Variants in KCTD1 observed in about 807,000 individuals in gnomAD.
KCTD1 encodes the protein BTB/POZ domain-containing protein KCTD1.
KCTD1 carries 24 observed loss-of-function variants against 66.0 expected under a neutral mutation model. That is an observed-to-expected ratio of 0.36 (90% confidence interval 0.26 to 0.51). The LOEUF is 0.51. Ranked by LOEUF, KCTD1 falls within the 20% of genes least tolerant of loss-of-function variation. The pLI, the probability that KCTD1 is intolerant of heterozygous loss-of-function variation, is 0.95. For missense variants in KCTD1, 943 were observed against 1,205.2 expected (o/e 0.78, Z 3.22); for synonymous variants, 511 against 517.2 (o/e 0.99, Z 0.16).
At chr18:26,645,346 C>A (rs1987909959) in intron 1 of KCTD1, among the ~76,000 whole-genome samples, 1 of 152,112 alleles carries the variant, frequency 6.6e-6, no homozygotes, top group Non-Finnish European at 1.5e-5. Flanking sequence ...AAGTTCTGGG[C>A]TCAAGTGATC....
exon 1 of KCTD1, chr18:26,629,199 T>G: frequency 1.0e-6 from 1 of 985,430 alleles, no homozygotes; most frequent in Non-Finnish European, 1.2e-6. Context: ...CCAGTTGGTG[T>G]GCAGTGCAGG....
chr18:26,465,362 G>A (rs532533759), intron 3 of KCTD1, among the ~76,000 whole-genome samples: 1 of 152,308 alleles, frequency 6.6e-6, no homozygotes, highest in East Asian at 1.9e-4. Context: ...GGGATTACAG[G>A]TGTCAGCCAC....
intron 1 of KCTD1, among the ~76,000 whole-genome samples, chr18:26,613,536 C>T (rs1395378882): frequency 2.0e-5 from 3 of 152,152 alleles, no homozygotes; most frequent in African/African-American, 4.8e-5. Context: ...GAGAGAATCA[C>T]ATTTTTTGGT....
intron 1 of KCTD1, among the ~76,000 whole-genome samples, chr18:26,657,109 C>T (rs1489488848): frequency 2.0e-5 from 3 of 151,838 alleles, no homozygotes; most frequent in South Asian, 4.2e-4. Flanking sequence ...TCTGCTCCGC[C>T]CTGCTCTCGC....
intron 1 of KCTD1, among the ~76,000 whole-genome samples, chr18:26,634,584 G>C (rs1987684141): frequency 6.6e-6 from 1 of 152,146 alleles, no homozygotes; most frequent in Non-Finnish European, 1.5e-5. Context: ...TGTATGATAT[G>C]ATTACATGTG....
chr18:26,518,964 T>G (rs1003933608), intron 1 of KCTD1, among the ~76,000 whole-genome samples: 1 of 152,280 alleles, frequency 6.6e-6, no homozygotes, highest in African/African-American at 2.4e-5. Flanking sequence ...ATTATAAATG[T>G]AAACTTTACA....
intron 1 of KCTD1, among the ~76,000 whole-genome samples, chr18:26,635,922 T>C (rs1987713693): frequency 2.6e-5 from 4 of 152,112 alleles, no homozygotes; most frequent in Non-Finnish European, 4.4e-5. Flanking sequence ...AACACACTTC[T>C]AGTCACGCCA....
rs184736885 is a variant in KCTD1 at position 26,601,224 on chromosome 18, C to T, written c.-16+27923G>A. On this transcript the variant is annotated intron_variant, in intron 1 of 4. Coordinates refer to the KCTD1 transcript ENST00000317932. ...GACCCCTTTGTTCTTGTTACCCACC[C>T]GTACGGACTTGGGGTCTATCTTGCC... Among the ~76,000 whole-genome samples, 468 of 149,242 alleles carry T rather than the reference C, an allele frequency of 3.1e-3. 5 individuals are homozygous for T. The highest frequency in any genetic ancestry group is 0.01 in the African/African-American group (417 of 40,444).
intron 1 of KCTD1, among the ~76,000 whole-genome samples, chr18:26,540,853 A>C (rs545318332): frequency 4.5e-4 from 69 of 152,330 alleles, no homozygotes; most frequent in Middle Eastern, 3.4e-3. Flanking sequence ...ATTTGTTAAA[A>C]GCAGTGTTTT....
intron 4 of KCTD1, 82 bp from the exon 5 acceptor site, chr18:26,455,983 G>C: frequency 7.4e-7 from 1 of 1,347,606 alleles, no homozygotes; most frequent in Non-Finnish European, 1.0e-6. Flanking sequence ...TTGAGATTAT[G>C]CGCACTCTGG....
intron 1 of KCTD1, among the ~76,000 whole-genome samples, chr18:26,557,179 C>T (rs1285898517): frequency 6.6e-6 from 1 of 152,190 alleles, no homozygotes; most frequent in African/African-American, 2.4e-5. Flanking sequence ...CAAACTTATT[C>T]TCTGTCCAAC....
chr18:26,547,916 C>T lies in KCTD1; in HGVS notation c.621G>A (p.Val207=), dbSNP rs1185530383. The T allele has an allele frequency of 7.1e-6, 11 of 1,543,716 alleles. No homozygotes were observed. The highest frequency in any genetic ancestry group is 7.8e-6 in the Non-Finnish European group (9 of 1,146,848). Residue 207 remains valine, a synonymous_variant, in exon 1 of 5, where the codon GTG becomes GTA. Transcript: ENST00000580059. ...ETMDKGALCR[V]LRSFYAEARS... is the part of the protein sequence containing the mutation. ...GGGCCTCGGCATAGAAGGAGCGCAG[C>T]ACGCGGCACAGCGCCCCCTTGTCCA...
chr18:26,502,102 T>A (rs1211833544), intron 1 of KCTD1, among the ~76,000 whole-genome samples: 1 of 152,182 alleles, frequency 6.6e-6, no homozygotes, highest in Non-Finnish European at 1.5e-5. Flanking sequence ...CAGGCTGGAG[T>A]GCAGTGGCAC....
chr18:26,648,234 C>A (rs1987966350), intron 1 of KCTD1, among the ~76,000 whole-genome samples: 1 of 152,122 alleles, frequency 6.6e-6, no homozygotes, highest in South Asian at 2.1e-4. Flanking sequence ...GGAGTGGGAC[C>A]AAACCAAATC....
intron 1 of KCTD1, among the ~76,000 whole-genome samples, chr18:26,559,590 G>C (rs554906565): frequency 3.9e-4 from 59 of 152,304 alleles, no homozygotes; most frequent in African/African-American, 1.4e-3. Context: ...AGTCAGCATA[G>C]TAAAGGAGGA....
chr18:26,572,451 A>G (rs1330574622), intron 1 of KCTD1, among the ~76,000 whole-genome samples: 5 of 152,206 alleles, frequency 3.3e-5, no homozygotes, highest in Non-Finnish European at 7.3e-5. Flanking sequence ...AGTCACAGGC[A>G]TGGTACATGA....
chr18:26,624,941 G>T (rs548475963), intron 1 of KCTD1, among the ~76,000 whole-genome samples: 112 of 152,350 alleles, frequency 7.4e-4, no homozygotes, highest in Non-Finnish European at 2.9e-4. Flanking sequence ...GCATCAGCAT[G>T]ACCTGGATAT....
rs563941891 is a variant in KCTD1 at position 26,468,476 on chromosome 18, C to G, written c.2133+8039G>C. On this transcript the variant is annotated intron_variant, in intron 3 of 4. Coordinates refer to ENST00000580059, the MANE Select transcript of KCTD1 (RefSeq NM_001142730.3). The surrounding 1 kb of genome is among the most constrained non-coding windows in gnomAD (Gnocchi z 4.8). ...AGTATTAAATGGCTAGGGAAAGAAG[C>G]AGGTAATCAATAAACATTCTCCCTA... 4.9e-4 allele frequency among the ~76,000 whole-genome samples: 75 copies of G among 152,220 alleles called. 1 individual carries two copies. The highest frequency in any genetic ancestry group is 8.8e-4 in the Non-Finnish European group (60 of 67,998).
intron 1 of KCTD1, among the ~76,000 whole-genome samples, chr18:26,521,392 C>G (rs1408086545): frequency 6.6e-6 from 1 of 152,210 alleles, no homozygotes; most frequent in East Asian, 1.9e-4. Context: ...CAAAATCTCT[C>G]AGTTCAACCC....
Sources: allele counts gnomAD v4.1 joint callset (sites outside exome capture counted in the v4.1 genomes callset), GRCh38; gene constraint gnomAD v4.1.1; non-coding constraint Gnocchi (gnomAD v3.1); transcripts MANE v1.5; gene names NCBI Gene and HGNC (gene_info 2026-07-23, HGNC 2026-07-21).